Variants in RUNX2 observed in about 807,000 individuals in gnomAD.
RUNX2 encodes the protein RUNX family transcription factor 2, also known as runt-related transcription factor 2.
Under a neutral mutation model 51.7 loss-of-function variants are expected in RUNX2, and 10 were observed. The observed-to-expected ratio is 0.19, with a 90% CI of 0.12 to 0.33. The LOEUF (loss-of-function observed/expected upper bound fraction) is 0.33, where lower values mean the gene tolerates loss of function less well. Among genes scored for constraint, RUNX2 ranks in the 10% least tolerant of loss-of-function variants. RUNX2 has a pLI of 1.00. For missense variants in RUNX2, 562 were observed against 691.3 expected, an observed-to-expected ratio of 0.81 and a Z score of 2.10; for synonymous variants, 276 against 273.6, an observed-to-expected ratio of 1.01 and a Z score of -0.09.
At chr6:45,475,304 A>G (rs1799926625) in intron 5 of RUNX2, among the ~76,000 whole-genome samples, 2 of 152,124 alleles carry the variant, frequency 1.3e-5, no homozygotes, top group African/African-American at 4.8e-5. Context: ...GGGAGGTTTT[A>G]TTGAAGTCAA....
chr6:45,485,023 C>G (rs1027783083), intron 5 of RUNX2, among the ~76,000 whole-genome samples: 1 of 152,082 alleles, frequency 6.6e-6, no homozygotes, highest in Non-Finnish European at 1.5e-5. Flanking sequence ...GAGTATTGGA[C>G]CAGACTTTAT....
At chr6:45,426,532 A>C (rs1798387882) in intron 3 of RUNX2, among the ~76,000 whole-genome samples, 1 of 152,212 alleles carries the variant, frequency 6.6e-6, no homozygotes, top group Non-Finnish European at 1.5e-5. Flanking sequence ...TAGTTGCCTT[A>C]AATAGCTTCA....
At chr6:45,545,373 A>G in intron 8 of RUNX2, 91 bp downstream of exon 8, 1 of 1,387,812 alleles carries the variant, frequency 7.2e-7, no homozygotes, top group Non-Finnish European at 9.7e-7. Flanking sequence ...TTTGTTAACT[A>G]TATGTTGCTT....
At chr6:45,371,843 T>C (rs1796118612) in intron 2 of RUNX2, 2 of 983,976 alleles carry the variant, frequency 2.0e-6, no homozygotes, top group Non-Finnish European at 2.4e-6. Flanking sequence ...ACTTCAGAAC[T>C]ACAGTTTGAA....
At chr6:45,507,767 C>T (rs970521755) in intron 6 of RUNX2, among the ~76,000 whole-genome samples, 2 of 152,180 alleles carry the variant, frequency 1.3e-5, no homozygotes, top group Admixed American at 6.5e-5. Context: ...GACATATATG[C>T]TCCAAATTGT....
intron 2 of RUNX2, among the ~76,000 whole-genome samples, chr6:45,402,889 CT>C (rs1184444844): frequency 1.3e-5 from 2 of 152,150 alleles, no homozygotes; most frequent in East Asian, 3.8e-4. Context: ...TCCCACTCCC[CT>C]ATCCCGCAAA....
chr6:45,486,067 A>C (rs1800275269), intron 5 of RUNX2, among the ~76,000 whole-genome samples: 1 of 152,162 alleles, frequency 6.6e-6, no homozygotes, highest in Non-Finnish European at 1.5e-5. Flanking sequence ...TAAAGCAAAT[A>C]CTGGTTGCCA....
intron 5 of RUNX2, among the ~76,000 whole-genome samples, chr6:45,455,176 G>T (rs1799286404): frequency 1.3e-5 from 2 of 152,184 alleles, no homozygotes; most frequent in African/African-American, 2.4e-5. Context: ...CAGGCTGTTG[G>T]AAAGCTCGTG....
At chr6:45,527,007 G>A (rs913962732) in intron 7 of RUNX2, among the ~76,000 whole-genome samples, 5 of 152,068 alleles carry the variant, frequency 3.3e-5, no homozygotes, top group African/African-American at 7.2e-5. Context: ...TATTATCTAG[G>A]GATATGTACT....
At chr6:45,419,920 C>G (rs1247874744) in intron 2 of RUNX2, among the ~76,000 whole-genome samples, 4 of 146,714 alleles carry the variant, frequency 2.7e-5, no homozygotes, top group Non-Finnish European at 6.0e-5. Context: ...GGCTGTGGGG[C>G]GGGAGGGGCG....
At chr6:45,450,127 A>G (rs1255548702) in intron 5 of RUNX2, among the ~76,000 whole-genome samples, 2 of 152,240 alleles carry the variant, frequency 1.3e-5, no homozygotes, top group Non-Finnish European at 2.9e-5. Context: ...AGGAGAGCGA[A>G]TAACTGGAAA....
chr6:45,440,811 C>A (rs551984043), intron 5 of RUNX2, among the ~76,000 whole-genome samples: 1 of 152,184 alleles, frequency 6.6e-6, no homozygotes, highest in South Asian at 2.1e-4. Flanking sequence ...GTGGAAGAAA[C>A]AAAGTTTGTG....
intron 2 of RUNX2, among the ~76,000 whole-genome samples, chr6:45,408,106 G>C (rs1797874962): frequency 1.3e-5 from 2 of 149,780 alleles, no homozygotes; most frequent in South Asian, 4.2e-4. Context: ...TGAAAGAAGT[G>C]GTGCTTTTGG....
intron 7 of RUNX2, among the ~76,000 whole-genome samples, chr6:45,531,129 G>A (rs926680499): frequency 6.6e-6 from 1 of 152,144 alleles, no homozygotes; most frequent in African/African-American, 2.4e-5. Context: ...CTCAATTCCA[G>A]GTCTTTTAGC....
At chr6:45,519,399 A>G (rs535833713) in intron 7 of RUNX2, among the ~76,000 whole-genome samples, 1 of 152,284 alleles carries the variant, frequency 6.6e-6, no homozygotes, top group South Asian at 2.1e-4. Flanking sequence ...TTATGAAATA[A>G]CGTCCATAGT....
At chr6:45,411,203 G>T (rs1022861608) in intron 2 of RUNX2, among the ~76,000 whole-genome samples, 1 of 152,100 alleles carries the variant, frequency 6.6e-6, no homozygotes, top group African/African-American at 2.4e-5. Flanking sequence ...TCACATAATA[G>T]AACAATTTTA....
chr6:45,357,476 C>T lies in RUNX2; in HGVS notation c.58+28692C>T, dbSNP rs187804611. On this transcript the variant is annotated intron_variant, in intron 2 of 8. Transcript: ENST00000647337. The stretch of plus-strand genomic sequence containing the variant: ...CTCCCAAGTAGCTGGGACTACAGGG[C>T]CCAGATAATTGCTTTTAATTTTATT... Among the ~76,000 whole-genome samples, 68 of 152,046 alleles carry T rather than the reference C, an allele frequency of 4.5e-4. No homozygotes were observed. In the East Asian group the frequency reaches 0.011, roughly 26 times the overall value.
intron 2 of RUNX2, among the ~76,000 whole-genome samples, chr6:45,341,334 G>A (rs1789732525): frequency 6.6e-6 from 1 of 152,092 alleles, no homozygotes; most frequent in Admixed American, 6.6e-5. Flanking sequence ...CAAAGATAAA[G>A]CACTAAGGAA....
intron 3 of RUNX2, among the ~76,000 whole-genome samples, chr6:45,425,272 C>A (rs1798353331): frequency 6.6e-6 from 1 of 152,138 alleles, no homozygotes; most frequent in African/African-American, 2.4e-5. Context: ...TGAACATGAG[C>A]ATTTTGGATG....
Sources: allele counts gnomAD v4.1 joint callset (sites outside exome capture counted in the v4.1 genomes callset), GRCh38; gene constraint gnomAD v4.1.1; transcripts MANE v1.5; gene names NCBI Gene and HGNC (gene_info 2026-07-23, HGNC 2026-07-21).